CHSY3: variants seen among roughly 807,000 people sequenced by gnomAD.
CHSY3 encodes the protein chondroitin sulfate synthase 3.
Under a neutral mutation model 67.2 loss-of-function variants are expected in CHSY3, and 35 were observed. That is an observed-to-expected ratio of 0.52 (90% CI 0.40 to 0.69). CHSY3 has a LOEUF of 0.69. CHSY3 is among the 30% of genes least tolerant of loss of function. The probability of loss-of-function intolerance (pLI) is 0.00; values close to 1 mark genes in which losing one functional copy is unlikely to be tolerated. For missense variants in CHSY3, 1,069 were observed against 1,138.5 expected, an observed-to-expected ratio of 0.94 and a Z score of 0.88; for synonymous variants, 474 against 434.7, an observed-to-expected ratio of 1.09 and a Z score of -1.12.
At chr5:129,963,187 T>G (rs1427456737) in intron 2 of CHSY3, among the ~76,000 whole-genome samples, 2 of 151,912 alleles carry the variant, frequency 1.3e-5, no homozygotes, top group Non-Finnish European at 2.9e-5. Context: ...TACACTGTTT[T>G]ATTTCCCAGG....
chr5:129,938,918 A>G (rs1761603415), intron 2 of CHSY3, among the ~76,000 whole-genome samples: 2 of 152,296 alleles, frequency 1.3e-5, no homozygotes, highest in Non-Finnish European at 2.9e-5. Flanking sequence ...ATTTTCAGGT[A>G]TCTTTATAGC....
At chr5:130,090,715 C>A (rs1003619890) in intron 2 of CHSY3, among the ~76,000 whole-genome samples, 2 of 152,128 alleles carry the variant, frequency 1.3e-5, no homozygotes, top group Non-Finnish European at 2.9e-5. Flanking sequence ...TCAGGATACA[C>A]ACAGATAACA....
chr5:129,939,794 G>A (rs1043414631), intron 2 of CHSY3, among the ~76,000 whole-genome samples: 5 of 152,074 alleles, frequency 3.3e-5, no homozygotes, highest in South Asian at 2.1e-4. Context: ...AATTAACATA[G>A]GAAATCTTTA....
At chr5:130,147,829 T>C (rs1389321199) in intron 2 of CHSY3, among the ~76,000 whole-genome samples, 1 of 152,222 alleles carries the variant, frequency 6.6e-6, no homozygotes. Context: ...TTTTGCTTTT[T>C]ACAACTTTGA....
At chr5:130,004,628 C>T (rs1235355776) in intron 2 of CHSY3, among the ~76,000 whole-genome samples, 1 of 152,022 alleles carries the variant, frequency 6.6e-6, no homozygotes, top group African/African-American at 2.4e-5. Flanking sequence ...CCAAATTAAT[C>T]TAGTTTTAAA....
At chr5:130,177,212 T>C (rs1212471479) in intron 2 of CHSY3, among the ~76,000 whole-genome samples, 6 of 151,030 alleles carry the variant, frequency 4.0e-5, no homozygotes, top group Non-Finnish European at 8.9e-5. Context: ...TGAGTGTGTG[T>C]ATATATATGT....
rs572146822 is a variant in CHSY3, at chr5:130,048,958, G to T, written c.1087-135271G>T. The stretch of plus-strand genomic sequence containing the variant: ...GTGGTGTATTGTATATTTCAAAATT[G>T]CTAAGAGAGTAAATTTCAAATGTTG... On this transcript the variant is annotated intron_variant, in intron 2 of 2. Coordinates refer to ENST00000305031, the MANE Select transcript of CHSY3 (RefSeq NM_175856.5). Among the ~76,000 whole-genome samples, 84 of 151,900 alleles carry T rather than the reference G, an allele frequency of 5.5e-4. 1 individual carries two copies. Among genetic ancestry groups the T allele is most frequent in the Non-Finnish European group, 8.1e-4 (55 of 67,864 alleles).
At chr5:130,013,649 G>A (rs1365890895) in intron 2 of CHSY3, among the ~76,000 whole-genome samples, 3 of 152,198 alleles carry the variant, frequency 2.0e-5, no homozygotes, top group African/African-American at 7.2e-5. Flanking sequence ...CAGCTGGGAT[G>A]CAGGGCACCA....
intron 2 of CHSY3, among the ~76,000 whole-genome samples, chr5:130,030,771 C>T (rs960916049): frequency 8.6e-5 from 13 of 152,014 alleles, no homozygotes; most frequent in Non-Finnish European, 1.3e-4. Flanking sequence ...GCTTTGGGGG[C>T]TTTAGTGTTA....
At chr5:130,120,486 G>GAAAA (rs34727574) in intron 2 of CHSY3, among the ~76,000 whole-genome samples, 336 of 94,050 alleles carry the variant, frequency 3.6e-3, no homozygotes, top group Middle Eastern at 7.2e-3. Flanking sequence ...ATTTCTGAAA[G>GAAAA]AAAAAAAAAA....
At position 130,091,987 on chromosome 5, in the gene CHSY3, C is replaced by T. The variant is rs192945664; in HGVS notation, c.1087-92242C>T. Among the ~76,000 whole-genome samples the T allele has an allele frequency of 5.5e-4, 84 of 152,258 alleles. 1 individual carries two copies. The East Asian group carries it at 0.013, about 24-fold the overall frequency. On this transcript the variant is annotated intron_variant, in intron 2 of 2. Coordinates refer to ENST00000305031, the MANE Select transcript of CHSY3 (RefSeq NM_175856.5). ...GAGTCCACAGAGAGAGACAATCCCT[C>T]TCACTTGTTCTCAGTCAGAGAGCAT...
chr5:129,964,850 C>T (rs1762427853), intron 2 of CHSY3, among the ~76,000 whole-genome samples: 1 of 151,736 alleles, frequency 6.6e-6, no homozygotes, highest in Admixed American at 6.6e-5. Flanking sequence ...TCTCTTTTCC[C>T]CCACTTTTAG....
At position 129,908,079 on chromosome 5, in the gene CHSY3, G is replaced by T; in HGVS notation, c.805G>T (p.Asp269Tyr). The T allele has an allele frequency of 6.2e-7, 1 of 1,608,720 alleles. No individual in the cohort carries two copies. Among genetic ancestry groups the T allele is most frequent in the Non-Finnish European group, 8.5e-7 (1 of 1,177,584 alleles). ...AATTGTTGCCTTTCTTTTTGTAGGT[G>T]ATAAATTAGAAGAGTTTCTTAGATC... ...RADDDVYIKG[D>Y]KLEEFLRSLN... Residue 269 changes from aspartate (D) to tyrosine (Y), a missense_variant and splice_region_variant, in exon 2 of 3, where the codon GAT becomes TAT. Coordinates refer to ENST00000305031, the MANE Select transcript of CHSY3 (RefSeq NM_175856.5).
chr5:130,009,784 G>A (rs1246440419), intron 2 of CHSY3, among the ~76,000 whole-genome samples: 2 of 152,088 alleles, frequency 1.3e-5, no homozygotes, highest in African/African-American at 4.8e-5. Flanking sequence ...TCAAAGTAAA[G>A]GGATAGAGAA....
chr5:129,919,052 A>C (rs1760828967), intron 2 of CHSY3, among the ~76,000 whole-genome samples: 1 of 128,870 alleles, frequency 7.8e-6, no homozygotes, highest in African/African-American at 3.0e-5. Context: ...GCTTGCCGTG[A>C]GCCGAGATTG....
chr5:130,133,785 A>AAAAAAAAAAAG (rs1768564381), intron 2 of CHSY3, among the ~76,000 whole-genome samples: 5 of 128,152 alleles, frequency 3.9e-5, no homozygotes, highest in Non-Finnish European at 8.2e-5. Flanking sequence ...AAAAAAAAAA[A>AAAAAAAAAAAG]AAAAAAAAAA....
intron 2 of CHSY3, among the ~76,000 whole-genome samples, chr5:130,084,813 G>C (rs1047021040): frequency 6.6e-6 from 1 of 151,880 alleles, no homozygotes; most frequent in Non-Finnish European, 1.5e-5. Context: ...AATTGGTTGA[G>C]AGACTTTATC....
At chr5:130,040,818 C>G (rs1488875077) in intron 2 of CHSY3, among the ~76,000 whole-genome samples, 1 of 152,096 alleles carries the variant, frequency 6.6e-6, no homozygotes. Flanking sequence ...TCTTCCTAAA[C>G]TCTTTCAGTG....
intron 2 of CHSY3, among the ~76,000 whole-genome samples, chr5:130,164,308 G>C (rs962561051): frequency 3.9e-5 from 6 of 152,138 alleles, no homozygotes; most frequent in African/African-American, 1.4e-4. Flanking sequence ...TAATTAGGGA[G>C]CAGTTGTAAA....
Sources: gnomAD v4.1 joint callset for allele counts (sites outside exome capture counted in the v4.1 genomes callset) on GRCh38, gnomAD v4.1.1 for gene constraint, MANE v1.5 for transcripts, NCBI Gene and HGNC (gene_info 2026-07-23, HGNC 2026-07-21) for gene names.